Variants in ADPRH observed in about 807,000 individuals in gnomAD.
ADPRH encodes ADP-ribosylarginine hydrolase.
In ADPRH, 27 loss-of-function variants were observed where a neutral mutation model predicts 28.8. That is an observed-to-expected ratio of 0.94 (90% confidence interval 0.69 to 1.29). ADPRH has a LOEUF of 1.29. ADPRH is among the 50% of genes most tolerant of loss of function. ADPRH has a pLI of 0.00. For synonymous variants in ADPRH, 161 were observed against 166.9 expected (o/e 0.96, Z 0.27); for missense variants, 419 against 444.8 (o/e 0.94, Z 0.52).
chr3:119,584,418 C>T (rs1004819532), intron 3 of ADPRH, among the ~76,000 whole-genome samples: 1 of 151,982 alleles, frequency 6.6e-6, no homozygotes, highest in African/African-American at 2.4e-5. Flanking sequence ...AAAAAATTAG[C>T]TGGGTGTGAT....
chr3:119,582,080 TCTGA>T, intron 2 of ADPRH, 50 bp from the exon 3 acceptor site: 39 of 1,238,996 alleles, frequency 3.1e-5, no homozygotes, highest in Non-Finnish European at 4.1e-5. Flanking sequence ...CGTTGTTTTT[TCTGA>T]TTCTTCTTGC....
intron 2 of ADPRH, among the ~76,000 whole-genome samples, chr3:119,581,280 C>T (rs992919422): frequency 6.6e-6 from 1 of 152,106 alleles, no homozygotes; most frequent in African/African-American, 2.4e-5. Flanking sequence ...GTTGGCCAGG[C>T]TGGTCTCGAT....
intron 3 of ADPRH, among the ~76,000 whole-genome samples, chr3:119,583,019 A>G (rs2082422436): frequency 6.6e-6 from 1 of 152,168 alleles, no homozygotes; most frequent in Non-Finnish European, 1.5e-5. Context: ...TCTTCTGTAA[A>G]ACCGGTCGCT....
In ADPRH at chr3:119,586,660, G is replaced by A. The variant is rs369658358; in HGVS notation, c.659+15G>A. ...CTTCAACACTGGTGAGTCTGTAAGCGCACGCCCTGCTCAAACACGGTTGAA... is the reference window on the plus strand; with the variant it reads ...CTTCAACACTGGTGAGTCTGTAAGCACACGCCCTGCTCAAACACGGTTGAA... On this transcript the variant is annotated intron_variant, in intron 4 of 4. Transcript: ENST00000357003. The A allele has an allele frequency of 6.5e-5, 104 of 1,609,066 alleles. 1 individual carries two copies. The South Asian group carries it at 7.6e-4, about 12-fold the overall frequency.
At chr3:119,586,133 G>A (rs1056553360) in intron 3 of ADPRH, 152 bp from the exon 4 acceptor site, 14 of 1,127,914 alleles carry the variant, frequency 1.2e-5, no homozygotes, top group Admixed American at 4.4e-5. Flanking sequence ...ACATTGTTGG[G>A]TGGGGTTTGG....
intron 3 of ADPRH, among the ~76,000 whole-genome samples, chr3:119,582,992 C>T (rs1394148581): frequency 6.6e-6 from 1 of 152,200 alleles, no homozygotes; most frequent in African/African-American, 2.4e-5. Context: ...CAACCAACCC[C>T]GTCCATGGAA....
At position 119,586,551 on chromosome 3, in the gene ADPRH, T is replaced by C. The variant is rs951578811; in HGVS notation, c.565T>C (p.Leu189=). Reference sequence around the variant, plus strand: ...CTATGCTGTGAATAGCAGACCACCCTTGCAGTGGGGAAAAGGACTGATGGA... The same window carrying C: ...CTATGCTGTGAATAGCAGACCACCCCTGCAGTGGGGAAAAGGACTGATGGA... ...TAYAVNSRPP[L]QWGKGLMELL... Residue 189 remains leucine (L), a synonymous_variant, in exon 4 of 5, where the codon TTG becomes CTG. Coordinates refer to ENST00000357003, the MANE Select transcript of ADPRH (RefSeq NM_001125.4). 1.9e-6 allele frequency: 3 copies of C among 1,614,164 alleles called. No homozygotes were observed. The highest frequency in any genetic ancestry group is 1.3e-5 in the African/African-American group (1 of 75,048).
intron 1 of ADPRH, chr3:119,580,055 C>T (rs1041645093): frequency 6.6e-6 from 1 of 152,264 alleles, no homozygotes; most frequent in South Asian, 2.1e-4. Context: ...GAATGTGACC[C>T]GTGAAAGTTC....
At chr3:119,581,171 G>A (rs1005136082) in intron 2 of ADPRH, among the ~76,000 whole-genome samples, 1 of 150,152 alleles carries the variant, frequency 6.7e-6, no homozygotes, top group African/African-American at 2.5e-5. Flanking sequence ...GGGTTCAAGC[G>A]ATTCTCCTGC....
chr3:119,587,797 A>G lies in ADPRH; in HGVS notation c.993A>G (p.Leu331=), dbSNP rs2082478721. 2.5e-6 allele frequency: 4 copies of G among 1,614,068 alleles called. No homozygotes were observed. Residue 331 remains leucine (L), a synonymous_variant, in exon 5 of 5, where the codon CTA becomes CTG. Transcript: ENST00000357003. ...KGVSPSNYEK[L]EYRNRLEETA... ...TGAGTCCCTCCAACTATGAGAAACTAGAATACAGAAACCGGCTGGAAGAGA... is the reference window on the plus strand; with the variant it reads ...TGAGTCCCTCCAACTATGAGAAACTGGAATACAGAAACCGGCTGGAAGAGA...
chr3:119,581,834 G>T (rs2107759023), intron 2 of ADPRH, among the ~76,000 whole-genome samples: 1 of 152,308 alleles, frequency 6.6e-6, no homozygotes, highest in South Asian at 2.1e-4. Flanking sequence ...TAGTTATGAT[G>T]ATAGACTTTG....
rs1052800221 is a variant in ADPRH, at chr3:119,589,882, G to A, written c.*2004G>A. On this transcript the variant is annotated 3_prime_UTR_variant, in exon 5 of 5. Transcript: ENST00000357003. ...AGAAGGGAGGATGAGAACGAATGGG[G>A]GGAAGAGATAAACTTTATGCATAAC... 4.6e-5 allele frequency: 7 copies of A among 152,146 alleles called. No homozygotes were observed. Among genetic ancestry groups the A allele is most frequent in the African/African-American group, 1.7e-4 (7 of 41,406 alleles). The allele number at this position is 152,146 out of a possible 1,614,324, so 9.4% of individuals were successfully genotyped here.
chr3:119,585,880 G>A (rs2082454075), intron 3 of ADPRH, among the ~76,000 whole-genome samples: 1 of 152,208 alleles, frequency 6.6e-6, no homozygotes. Flanking sequence ...ACTCCATAAG[G>A]AATTGGGCTT....
In ADPRH at chr3:119,587,658, C is replaced by G. The variant is rs754152375; in HGVS notation, c.854C>G (p.Ala285Gly). 7.4e-6 allele frequency: 12 copies of G among 1,614,146 alleles called. No homozygotes were observed. The highest frequency in any genetic ancestry group is 1.0e-5 in the Non-Finnish European group (12 of 1,180,004). The change falls in exon 5 of 5, where the codon GCA becomes GGA. Residue 285 changes from alanine to glycine, a missense_variant. Coordinates refer to ENST00000357003, the MANE Select transcript of ADPRH (RefSeq NM_001125.4). ...PMIAYDAVLA[A>G]GDSWKELAHR... is the part of the protein sequence containing the mutation. Reference sequence around the variant, plus strand: ...ATTGCCTACGATGCTGTTCTTGCTGCAGGAGACTCCTGGAAGGAGCTTGCC... The same window carrying G: ...ATTGCCTACGATGCTGTTCTTGCTGGAGGAGACTCCTGGAAGGAGCTTGCC...
In ADPRH at chr3:119,587,550, T is replaced by C. The variant is rs537852686; in HGVS notation, c.746T>C (p.Phe249Ser). 1.2e-5 allele frequency: 19 copies of C among 1,611,730 alleles called. No individual in the cohort carries two copies. In the South Asian group the frequency reaches 1.8e-4, roughly 15 times the overall value. ...GESAPTFPESFGVKERDQFYT... is the reference protein window; with the variant it reads ...GESAPTFPESSGVKERDQFYT... ...TCAGCCCCTACCTTCCCTGAGTCTT[T>C]CGGTGTGAAGGAGAGGGATCAGTTC... Residue 249 changes from phenylalanine (F) to serine (S), a missense_variant, in exon 5 of 5, where the codon TTC (phenylalanine) becomes TCC (serine). Physicochemically the swap from Phe to Ser is radical, Grantham distance 155. Coordinates refer to ENST00000357003, the MANE Select transcript of ADPRH (RefSeq NM_001125.4).
chr3:119,587,940 T>G lies in ADPRH; in HGVS notation c.*62T>G. The G allele has an allele frequency of 1.3e-6, 2 of 1,492,314 alleles. No individual in the cohort carries two copies. The highest frequency in any genetic ancestry group is 1.8e-6 in the Non-Finnish European group (2 of 1,123,270). The allele number at this position is 1,492,314 out of a possible 1,614,324, so 92.4% of individuals were successfully genotyped here. ...TGTGTATTTCCTTTTCTGCTATTTC[T>G]TTTCAGTTTTTCCAAAGTCAAGAGT... On this transcript the variant is annotated 3_prime_UTR_variant, in exon 5 of 5. Transcript: ENST00000357003.
At chr3:119,582,507 T>C in intron 3 of ADPRH, 40 bp downstream of exon 3, 1 of 1,573,696 alleles carries the variant, frequency 6.4e-7, no homozygotes, top group Non-Finnish European at 8.7e-7. Flanking sequence ...GGGCAAAGAA[T>C]AAAACAGCCT....
At chr3:119,586,705 C>T (rs2082465302) in intron 4 of ADPRH, 60 bp downstream of exon 4, 12 of 1,586,434 alleles carry the variant, frequency 7.6e-6, no homozygotes, top group Admixed American at 7.5e-5. Flanking sequence ...GTACATCCAC[C>T]TGCACATATA....
intron 3 of ADPRH, 133 bp from the exon 4 acceptor site, chr3:119,586,152 G>T: frequency 7.5e-7 from 1 of 1,335,400 alleles, no homozygotes; most frequent in Admixed American, 2.0e-5. Context: ...GGAGTTTTGG[G>T]GCATGCATCA....
Sources: gnomAD v4.1 joint callset for allele counts (sites outside exome capture counted in the v4.1 genomes callset) on GRCh38, gnomAD v4.1.1 for gene constraint, MANE v1.5 for transcripts, NCBI Gene and HGNC (gene_info 2026-07-23, HGNC 2026-07-21) for gene names.